Variants in PTPRM observed in about 807,000 individuals in gnomAD.
PTPRM encodes the protein protein tyrosine phosphatase receptor type M, also known as receptor-type tyrosine-protein phosphatase mu.
In PTPRM, 47 loss-of-function variants were observed where a neutral mutation model predicts 186.7. The ratio of observed to expected loss-of-function variants is 0.25; its 90% CI spans 0.20 to 0.32. PTPRM has a LOEUF of 0.32. PTPRM is among the 10% of genes least tolerant of loss of function. The pLI, the probability that PTPRM is intolerant of heterozygous loss-of-function variation, is 1.00. For missense variants in PTPRM, 1,494 were observed against 1,865.0 expected, an observed-to-expected ratio of 0.80 and a Z score of 3.66; for synonymous variants, 668 against 674.9, an observed-to-expected ratio of 0.99 and a Z score of 0.16.
At position 7,699,847 on chromosome 18, in the gene PTPRM, C is replaced by T. The variant is rs149791406; in HGVS notation, c.74-74302C>T. Among the ~76,000 whole-genome samples the T allele has an allele frequency of 8.4e-3, 1,276 of 152,014 alleles. 22 individuals carry two copies. Among genetic ancestry groups the T allele is most frequent in the African/African-American group, 0.029 (1,221 of 41,454 alleles). On this transcript the variant is annotated intron_variant, in intron 1 of 32. Coordinates refer to ENST00000580170, the MANE Select transcript of PTPRM (RefSeq NM_001105244.2). The stretch of plus-strand genomic sequence containing the variant: ...GAACACTTTATTGCTTTATTTTTCA[C>T]ATTTACACTTGCAATCCATCTGGAA...
intron 1 of PTPRM, among the ~76,000 whole-genome samples, chr18:7,594,888 C>T (rs969740926): frequency 2.6e-5 from 4 of 152,118 alleles, no homozygotes; most frequent in African/African-American, 9.7e-5. Flanking sequence ...CAGCCTACCT[C>T]ACAAGGTAAA....
chr18:7,856,219 A>G (rs2047087381), intron 2 of PTPRM, among the ~76,000 whole-genome samples: 1 of 152,104 alleles, frequency 6.6e-6, no homozygotes, highest in African/African-American at 2.4e-5. Context: ...TTGCTTGCTT[A>G]TATCATGCTG....
intron 28 of PTPRM, 120 bp downstream of exon 28, chr18:8,379,460 T>G (rs1234607548): frequency 9.3e-7 from 1 of 1,076,554 alleles, no homozygotes; most frequent in East Asian, 2.9e-5. Flanking sequence ...ACAAACTTTT[T>G]TTTCCAACAA....
chr18:8,182,804 A>G (rs796947847), intron 14 of PTPRM, among the ~76,000 whole-genome samples: 2 of 152,224 alleles, frequency 1.3e-5, no homozygotes, highest in South Asian at 4.1e-4. Flanking sequence ...AGTGCCAAGA[A>G]AAAAGTAAAA....
intron 1 of PTPRM, among the ~76,000 whole-genome samples, chr18:7,596,701 G>T (rs893836208): frequency 2.0e-5 from 3 of 152,050 alleles, no homozygotes; most frequent in African/African-American, 7.2e-5. Context: ...GGGTACAAGG[G>T]GGGACTGCTG....
chr18:8,200,357 T>G (rs1365046592), intron 14 of PTPRM, among the ~76,000 whole-genome samples: 1 of 151,632 alleles, frequency 6.6e-6, no homozygotes, highest in Non-Finnish European at 1.5e-5. Flanking sequence ...AAAACCAGGG[T>G]GGGGGCACGA....
At chr18:7,798,068 G>A (rs944035111) in intron 2 of PTPRM, among the ~76,000 whole-genome samples, 1 of 152,134 alleles carries the variant, frequency 6.6e-6, no homozygotes, top group Non-Finnish European at 1.5e-5. Flanking sequence ...GTACCCTAGG[G>A]TTAGAGGTCT....
Position 7,567,364 on chromosome 18 carries a change from C to T in PTPRM, c.-455C>T, listed in dbSNP as rs908625030. 6.7e-6 allele frequency: 1 copy of T among 148,712 alleles called. No individual in the cohort carries two copies. The highest frequency in any genetic ancestry group is 6.7e-5 in the Admixed American group (1 of 14,916). 9.2% of individuals were successfully genotyped at this position (148,712 alleles called of 1,614,324 possible). On this transcript the variant is annotated 5_prime_UTR_variant, in exon 1 of 33. Transcript: ENST00000580170. This position sits in a 1 kb window ranked among gnomAD's most constrained non-coding sequence, Gnocchi z 4.3. ...CGCGCGCAGCCGGCGCGGGCTCGGT[C>T]ATCGGCGCGCCGCCGCCCGGGGCTG... is the stretch of plus-strand genomic sequence containing the variant.
intron 1 of PTPRM, among the ~76,000 whole-genome samples, chr18:7,769,729 C>A (rs1946150622): frequency 6.6e-6 from 1 of 152,124 alleles, no homozygotes; most frequent in South Asian, 2.1e-4. Context: ...GTATAGGAAT[C>A]ATCACTGTCA....
chr18:8,096,736 T>C (rs7229328), intron 11 of PTPRM, among the ~76,000 whole-genome samples: 1 of 152,224 alleles, frequency 6.6e-6, no homozygotes, highest in Non-Finnish European at 1.5e-5. Context: ...GTTTAAGGGA[T>C]GAACTTCTAG....
intron 1 of PTPRM, among the ~76,000 whole-genome samples, chr18:7,663,017 A>G (rs765010777): frequency 1.3e-5 from 2 of 152,176 alleles, no homozygotes; most frequent in East Asian, 3.8e-4. Flanking sequence ...AAATAGATGT[A>G]TCATCCCCTC....
intron 1 of PTPRM, among the ~76,000 whole-genome samples, chr18:7,570,600 A>G (rs571254026): frequency 1.3e-5 from 2 of 152,332 alleles, no homozygotes; most frequent in South Asian, 4.1e-4. Context: ...GTGATTGTTA[A>G]AAGTTAGACT....
chr18:7,741,538 A>G (rs957304322), intron 1 of PTPRM: 1 of 152,212 alleles, frequency 6.6e-6, no homozygotes, highest in Admixed American at 6.5e-5. Flanking sequence ...TTGGTCACTG[A>G]TATTTTCAGT....
chr18:8,114,498 T>A (rs1007985182), intron 12 of PTPRM, among the ~76,000 whole-genome samples: 9 of 152,126 alleles, frequency 5.9e-5, no homozygotes, highest in Non-Finnish European at 1.0e-4. Flanking sequence ...AAAGTACAGA[T>A]CTGGTCCTTT....
intron 19 of PTPRM, among the ~76,000 whole-genome samples, chr18:8,280,564 G>T (rs930138717): frequency 3.0e-4 from 45 of 152,126 alleles, no homozygotes; most frequent in Non-Finnish European, 1.2e-4. Flanking sequence ...CACCTGAGCT[G>T]CCCAAAATGG....
At chr18:7,951,771 A>G (rs1261003680) in intron 6 of PTPRM, among the ~76,000 whole-genome samples, 1 of 152,228 alleles carries the variant, frequency 6.6e-6, no homozygotes, top group East Asian at 1.9e-4. Flanking sequence ...AGATACTACT[A>G]GTTTTATAAG....
chr18:8,073,061 T>C (rs1016375049), intron 8 of PTPRM, among the ~76,000 whole-genome samples: 3 of 152,208 alleles, frequency 2.0e-5, no homozygotes, highest in Non-Finnish European at 4.4e-5. Context: ...ATCCTCTTCC[T>C]AACATGATTT....
At chr18:8,375,864 G>C (rs573914660) in intron 24 of PTPRM, among the ~76,000 whole-genome samples, 182 bp from the exon 25 acceptor site, 25 of 152,272 alleles carry the variant, frequency 1.6e-4, no homozygotes, top group Non-Finnish European at 2.6e-4. Flanking sequence ...ATCTTCCTAA[G>C]GGTACAATGC....
At chr18:7,764,585 C>A (rs1387549109) in intron 1 of PTPRM, among the ~76,000 whole-genome samples, 1 of 152,118 alleles carries the variant, frequency 6.6e-6, no homozygotes, top group African/African-American at 2.4e-5. Flanking sequence ...TTGGAGCCAC[C>A]TGGAGAGTTG....
Sources: gnomAD v4.1 joint callset for allele counts (sites outside exome capture counted in the v4.1 genomes callset) on GRCh38, gnomAD v4.1.1 for gene constraint, Gnocchi (gnomAD v3.1) non-coding constraint, MANE v1.5 for transcripts, NCBI Gene and HGNC (gene_info 2026-07-23, HGNC 2026-07-21) for gene names.